ANO3: variants seen among roughly 807,000 people sequenced by gnomAD.
ANO3 encodes the protein anoctamin 3.
A neutral mutation model predicts 144.8 loss-of-function variants in ANO3; 99 were observed. The ratio of observed to expected loss-of-function variants is 0.68; its 90% confidence interval spans 0.58 to 0.81. The LOEUF (loss-of-function observed/expected upper bound fraction) is 0.81. Among genes scored for constraint, ANO3 ranks in the 30% least tolerant of loss-of-function variants. The pLI is 0.00. For missense variants in ANO3, 905 were observed against 1,202.2 expected, an observed-to-expected ratio of 0.75 and a Z score of 3.66; for synonymous variants, 414 against 392.6, an observed-to-expected ratio of 1.05 and a Z score of -0.64.
At chr11:26,485,861 AC>A (rs1238841152) in intron 4 of ANO3, among the ~76,000 whole-genome samples, 1 of 152,150 alleles carries the variant, frequency 6.6e-6, no homozygotes, top group Non-Finnish European at 1.5e-5. Context: ...AATGAGACAA[AC>A]TGAGAAATTT....
chr11:26,364,088 T>A (rs1182252991), intron 1 of ANO3, among the ~76,000 whole-genome samples: 1 of 152,200 alleles, frequency 6.6e-6, no homozygotes, highest in Non-Finnish European at 1.5e-5. Context: ...ATCAAAGATG[T>A]TTTAACTACA....
At chr11:26,425,218 A>G (rs1182022525) in intron 1 of ANO3, among the ~76,000 whole-genome samples, 1 of 152,126 alleles carries the variant, frequency 6.6e-6, no homozygotes, top group African/African-American at 2.4e-5. Context: ...AAAATAAACA[A>G]ATAAATAAAT....
chr11:26,469,500 T>C (rs1362094968), intron 4 of ANO3, among the ~76,000 whole-genome samples: 1 of 151,832 alleles, frequency 6.6e-6, no homozygotes, highest in East Asian at 1.9e-4. Flanking sequence ...AACAAATGAA[T>C]TACTGAAGAG....
At chr11:26,405,877 C>A (rs768360351) in intron 1 of ANO3, among the ~76,000 whole-genome samples, 1 of 151,818 alleles carries the variant, frequency 6.6e-6, no homozygotes, top group Non-Finnish European at 1.5e-5. Flanking sequence ...GGCCTTGGAT[C>A]TCACTCTGAA....
Position 26,488,542 on chromosome 11 carries a change from A to G in ANO3, c.433-19562A>G, listed in dbSNP as rs73430205. Among the ~76,000 whole-genome samples, 1,128 of 152,206 alleles carry G rather than the reference A, an allele frequency of 7.4e-3. 16 individuals carry two copies. The highest frequency in any genetic ancestry group is 0.026 in the African/African-American group (1,071 of 41,528). Reference sequence around the variant, plus strand: ...CCTTCAGATGTTCAGATGCCTCCGGACTTTCTTCCTTCTGGTGGGTTCTTG... The same window carrying G: ...CCTTCAGATGTTCAGATGCCTCCGGGCTTTCTTCCTTCTGGTGGGTTCTTG... On this transcript the variant is annotated intron_variant, in intron 4 of 26. Transcript: ENST00000256737.
At chr11:26,456,159 C>A (rs868702022) in intron 3 of ANO3, among the ~76,000 whole-genome samples, 2 of 152,122 alleles carry the variant, frequency 1.3e-5, no homozygotes, top group Non-Finnish European at 2.9e-5. Context: ...AGGACATAGG[C>A]ATGGGCAAGG....
chr11:26,208,437 CG>C (rs1265358808), intron 1 of ANO3: 1 of 150,758 alleles, frequency 6.6e-6, no homozygotes, highest in African/African-American at 2.5e-5. Flanking sequence ...GGCGTGAACC[CG>C]GGAGGCGGGG....
intron 14 of ANO3, chr11:26,563,225 A>G (rs1449524449): frequency 1.2e-6 from 2 of 1,611,272 alleles, no homozygotes; most frequent in Non-Finnish European, 1.7e-6. Flanking sequence ...CCAGAATAGC[A>G]CCTAAAATGG....
chr11:26,280,114 G>T (rs1013076460), intron 1 of ANO3, among the ~76,000 whole-genome samples: 4 of 152,092 alleles, frequency 2.6e-5, no homozygotes, highest in African/African-American at 9.7e-5. Context: ...TTCAAAACCA[G>T]GACAATGGCA....
At chr11:26,550,332 A>G (rs921351614) in intron 12 of ANO3, among the ~76,000 whole-genome samples, 37 of 151,966 alleles carry the variant, frequency 2.4e-4, no homozygotes, top group Non-Finnish European at 3.4e-4. Context: ...TGCACAAGAC[A>G]GTATTATAGA....
At chr11:26,314,981 GT>G (rs1292583213) in intron 1 of ANO3, among the ~76,000 whole-genome samples, 5 of 151,958 alleles carry the variant, frequency 3.3e-5, no homozygotes, top group Non-Finnish European at 5.9e-5. Flanking sequence ...TAGTTGATAA[GT>G]TATATTGTTA....
At chr11:26,404,933 ATGTGTGTGTG>A (rs56103536) in intron 1 of ANO3, among the ~76,000 whole-genome samples, 3,405 of 145,992 alleles carry the variant, frequency 0.023, 117 homozygotes, top group East Asian at 0.15. Flanking sequence ...ATTTATATAT[ATGTGTGTGTG>A]TGTGTGTGTG....
rs1355291660 is a variant in ANO3 at position 26,598,843 on chromosome 11, T to A, written c.1531-15T>A. 6.2e-7 allele frequency: 1 copy of A among 1,606,854 alleles called. No homozygotes were observed. Among genetic ancestry groups the A allele is most frequent in the South Asian group, 1.1e-5 (1 of 89,738 alleles). On this transcript the variant is annotated splice_polypyrimidine_tract_variant and intron_variant, in intron 15 of 26. Transcript: ENST00000256737. ...TATGGCTTTGATATTTAGATAACTT[T>A]CGTTTCTCTCATAGGAAACACTTCG...
intron 1 of ANO3, among the ~76,000 whole-genome samples, chr11:26,255,615 A>G (rs1366387937): frequency 6.6e-6 from 1 of 152,178 alleles, no homozygotes; most frequent in Non-Finnish European, 1.5e-5. Flanking sequence ...GTGAGATAAA[A>G]AAGATGGGAG....
chr11:26,319,221 A>G (rs1854700941), intron 1 of ANO3, among the ~76,000 whole-genome samples: 1 of 151,836 alleles, frequency 6.6e-6, no homozygotes, highest in South Asian at 2.1e-4. Flanking sequence ...ATAGTCTGGA[A>G]CTTCTGGACT....
intron 1 of ANO3, among the ~76,000 whole-genome samples, chr11:26,300,724 C>T (rs1854207993): frequency 1.3e-5 from 2 of 152,078 alleles, no homozygotes; most frequent in African/African-American, 2.4e-5. Context: ...CATAAATTAT[C>T]TTATATATTC....
chr11:26,311,050 AT>A (rs1402430740), intron 1 of ANO3, among the ~76,000 whole-genome samples: 3 of 152,214 alleles, frequency 2.0e-5, no homozygotes, highest in Admixed American at 6.5e-5. Flanking sequence ...AAGTTTCTTC[AT>A]ACTCAAAGAA....
chr11:26,452,767 A>G (rs1427004426), intron 3 of ANO3, among the ~76,000 whole-genome samples: 1 of 139,568 alleles, frequency 7.2e-6, no homozygotes, highest in Admixed American at 7.6e-5. Context: ...CAACCCCAAG[A>G]CACATAATTG....
chr11:26,261,926 A>G (rs997041350), intron 1 of ANO3, among the ~76,000 whole-genome samples: 1 of 152,228 alleles, frequency 6.6e-6, no homozygotes, highest in African/African-American at 2.4e-5. Context: ...ATAAAAGCTG[A>G]CCACCAGCAC....
Sources: gnomAD v4.1 joint callset for allele counts (sites outside exome capture counted in the v4.1 genomes callset) on GRCh38, gnomAD v4.1.1 for gene constraint, MANE v1.5 for transcripts, NCBI Gene and HGNC (gene_info 2026-07-23, HGNC 2026-07-21) for gene names.